Variants in ADAMTSL1 observed in about 807,000 individuals in gnomAD.
ADAMTSL1 encodes ADAMTS like 1.
ADAMTSL1 carries 126 observed loss-of-function variants against 201.8 expected under a neutral mutation model. The ratio of observed to expected loss-of-function variants is 0.62; its 90% CI spans 0.54 to 0.72. The LOEUF (loss-of-function observed/expected upper bound fraction) is 0.72, where lower values mean the gene tolerates loss of function less well. ADAMTSL1 is among the 30% of genes least tolerant of loss of function. The pLI is 0.00. For missense variants in ADAMTSL1, 2,679 were observed against 2,277.8 expected, an observed-to-expected ratio of 1.18 and a Z score of -3.59; for synonymous variants, 1,121 against 903.4, an observed-to-expected ratio of 1.24 and a Z score of -4.32.
Position 18,826,371 on chromosome 9 carries a change from C to T in ADAMTSL1, c.4022C>T (p.Thr1341Ile), listed in dbSNP as rs1426597073. ...CTGCACGAAGGCTCCTTGCTGCTCACAAACGTGTCCTCCTCGGATCAGGGC... is the reference window on the plus strand; with the variant it reads ...CTGCACGAAGGCTCCTTGCTGCTCATAAACGTGTCCTCCTCGGATCAGGGC... ...HHLHEGSLLL[T>I]NVSSSDQGLY... Residue 1341 changes from threonine to isoleucine, a missense_variant, in exon 22 of 29, where the codon ACA becomes ATA. Physicochemically the swap from Thr to Ile is moderately conservative, Grantham distance 89. Coordinates refer to ENST00000380548, the MANE Select transcript of ADAMTSL1 (RefSeq NM_001040272.6). 8 of 1,613,660 alleles carry T rather than the reference C, an allele frequency of 5.0e-6. No individual in the cohort carries two copies. Among genetic ancestry groups the T allele is most frequent in the Non-Finnish European group, 6.8e-6 (8 of 1,179,828 alleles).
chr9:18,368,219 G>GA (rs1836869927), intron 2 of ADAMTSL1, among the ~76,000 whole-genome samples: 1 of 152,052 alleles, frequency 6.6e-6, no homozygotes, highest in Non-Finnish European at 1.5e-5. Context: ...CTGGCTGAGG[G>GA]AGTCTTTTAA....
chr9:18,205,655 G>A (rs1386231761), intron 2 of ADAMTSL1, among the ~76,000 whole-genome samples: 1 of 152,064 alleles, frequency 6.6e-6, no homozygotes, highest in African/African-American at 2.4e-5. Context: ...ACTTCATGAT[G>A]TTCTCTCCTG....
intron 1 of ADAMTSL1, among the ~76,000 whole-genome samples, chr9:17,920,699 C>G (rs1444197812): frequency 6.6e-6 from 1 of 152,140 alleles, no homozygotes; most frequent in Non-Finnish European, 1.5e-5. Flanking sequence ...ATATCTGGCA[C>G]TCTAAAGCAA....
rs148598069 is a variant in ADAMTSL1, at chr9:17,919,799, G to A, written c.87+12877G>A. Among the ~76,000 whole-genome samples, 498 of 152,032 alleles carry A rather than the reference G, an allele frequency of 3.3e-3. 22 individuals are homozygous for A. The South Asian group carries it at 0.085, about 26-fold the overall frequency. On this transcript the variant is annotated intron_variant, in intron 1 of 29. Coordinates refer to the ADAMTSL1 transcript ENST00000680146. ...TATAAACATTTATGTACAAGTTTTT[G>A]GGTGGACAAATGTTTTTATTTCTCT...
chr9:18,224,691 C>T (rs1033846820), intron 2 of ADAMTSL1, among the ~76,000 whole-genome samples: 2 of 152,056 alleles, frequency 1.3e-5, no homozygotes, highest in African/African-American at 4.8e-5. Flanking sequence ...CACAGGTAGC[C>T]ATTCCTCTAA....
intron 23 of ADAMTSL1, among the ~76,000 whole-genome samples, chr9:18,855,116 G>T (rs1826757894): frequency 6.6e-6 from 1 of 152,030 alleles, no homozygotes; most frequent in Admixed American, 6.6e-5. Context: ...TACAGATTTG[G>T]GTTTTCCATT....
At chr9:18,494,318 T>C (rs1367903899) in intron 1 of ADAMTSL1, among the ~76,000 whole-genome samples, 1 of 149,104 alleles carries the variant, frequency 6.7e-6, no homozygotes, top group Non-Finnish European at 1.5e-5. Flanking sequence ...ATCACACGAC[T>C]GCACTCCAGT....
At chr9:18,224,052 G>C (rs1830355816) in intron 2 of ADAMTSL1, among the ~76,000 whole-genome samples, 1 of 151,910 alleles carries the variant, frequency 6.6e-6, no homozygotes, top group East Asian at 1.9e-4. Flanking sequence ...CTCTTTTCCA[G>C]AACCAAGCCA....
chr9:18,273,331 T>C lies in ADAMTSL1; in HGVS notation c.207+109350T>C, dbSNP rs568002290. On this transcript the variant is annotated intron_variant, in intron 2 of 29. Coordinates refer to the ADAMTSL1 transcript ENST00000680146. ...CCCAACCTCAAGTGATCCGCCCGCG[T>C]TGGCCTCTCAAAGTGCTGGGATTGC... 3.5e-3 allele frequency among the ~76,000 whole-genome samples: 282 copies of C among 79,920 alleles called. 1 individual carries two copies. The highest frequency in any genetic ancestry group is 9.6e-3 in the African/African-American group (268 of 27,870). The allele number at this position is 79,920 out of a possible 152,430, so 52.4% of individuals were successfully genotyped here. A position where few individuals can be genotyped will look rare whatever the true frequency, so the allele number is the denominator to read the frequency against.
At chr9:17,972,217 G>C (rs915524210) in intron 1 of ADAMTSL1, among the ~76,000 whole-genome samples, 4 of 143,286 alleles carry the variant, frequency 2.8e-5, no homozygotes, top group Non-Finnish European at 4.6e-5. Context: ...CAATGTGCAG[G>C]TTTGTTACCT....
intron 1 of ADAMTSL1, among the ~76,000 whole-genome samples, chr9:18,501,516 A>AG (rs2131909485): frequency 6.6e-6 from 1 of 151,912 alleles, no homozygotes; most frequent in Admixed American, 6.6e-5. Context: ...AAAAAAAAAA[A>AG]AAAAAAAAGT....
intron 15 of ADAMTSL1, among the ~76,000 whole-genome samples, chr9:18,742,560 C>G (rs568950870): frequency 6.6e-6 from 1 of 152,070 alleles, no homozygotes; most frequent in Non-Finnish European, 1.5e-5. Context: ...TTGATGTGAG[C>G]TGGGATGGTG....
intron 5 of ADAMTSL1, among the ~76,000 whole-genome samples, chr9:18,627,001 G>C (rs1484788748): frequency 7.0e-6 from 1 of 141,940 alleles, no homozygotes; most frequent in East Asian, 2.1e-4. Flanking sequence ...ATTGAAACAG[G>C]GTCTCACTCT....
Position 18,777,924 on chromosome 9 carries a change from C to T in ADAMTSL1, c.3677+18C>T, listed in dbSNP as rs751835799. Reference sequence around the variant, plus strand: ...AGTGACAGGTGAGCCTTGTAGCTAACCTGGTCTTGGGAGGGAGGCAAGGGG... The same window carrying T: ...AGTGACAGGTGAGCCTTGTAGCTAATCTGGTCTTGGGAGGGAGGCAAGGGG... On this transcript the variant is annotated intron_variant, in intron 19 of 28. Transcript: ENST00000380548. The T allele has an allele frequency of 6.6e-7, 1 of 1,523,942 alleles. No individual in the cohort carries two copies. Among genetic ancestry groups the T allele is most frequent in the Admixed American group, 2.1e-5 (1 of 47,740 alleles). 94.4% of individuals were successfully genotyped at this position (1,523,942 alleles called of 1,614,324 possible). A position where few individuals can be genotyped will look rare whatever the true frequency, so the allele number is the denominator to read the frequency against.
At chr9:18,626,410 G>A (rs1305245340) in intron 5 of ADAMTSL1, among the ~76,000 whole-genome samples, 1 of 152,214 alleles carries the variant, frequency 6.6e-6, no homozygotes, top group Non-Finnish European at 1.5e-5. Context: ...GGGTCACCAT[G>A]CAGAAGTCAG....
chr9:18,018,279 T>C (rs1820339367), intron 1 of ADAMTSL1, among the ~76,000 whole-genome samples: 2 of 152,110 alleles, frequency 1.3e-5, no homozygotes, highest in Admixed American at 1.3e-4. Flanking sequence ...TTAAGCATTT[T>C]TTATGTTTAA....
chr9:18,204,007 A>G (rs1026473638), intron 2 of ADAMTSL1, among the ~76,000 whole-genome samples: 7 of 152,312 alleles, frequency 4.6e-5, no homozygotes, highest in African/African-American at 1.7e-4. Context: ...TTACTGAGTC[A>G]GAAGTCTGTC....
At chr9:18,044,051 C>G (rs1028919403) in intron 1 of ADAMTSL1, among the ~76,000 whole-genome samples, 1 of 149,384 alleles carries the variant, frequency 6.7e-6, no homozygotes, top group Admixed American at 6.7e-5. Flanking sequence ...CCATTGTTAT[C>G]ATTGTGATCA....
intron 1 of ADAMTSL1, among the ~76,000 whole-genome samples, chr9:18,023,628 G>A (rs1053869874): frequency 1.3e-5 from 2 of 152,058 alleles, no homozygotes; most frequent in Non-Finnish European, 2.9e-5. Context: ...TGTTGGGTGC[G>A]AATGGAGTAA....
Sources: gnomAD v4.1 joint callset for allele counts (sites outside exome capture counted in the v4.1 genomes callset) on GRCh38, gnomAD v4.1.1 for gene constraint, MANE v1.5 for transcripts, NCBI Gene and HGNC (gene_info 2026-07-23, HGNC 2026-07-21) for gene names.